Variants in SLC35F3 observed in about 807,000 individuals in gnomAD.
The protein encoded by SLC35F3 is putative thiamine transporter SLC35F3.
In SLC35F3, 25 loss-of-function variants were observed where a neutral mutation model predicts 49.9. That is an observed-to-expected ratio of 0.50 (90% CI 0.37 to 0.70). The LOEUF (loss-of-function observed/expected upper bound fraction) is 0.70, where lower values mean the gene tolerates loss of function less well. SLC35F3 is among the 30% of genes least tolerant of loss of function. SLC35F3 has a pLI of 0.00. For missense variants in SLC35F3, 525 were observed against 639.8 expected, an observed-to-expected ratio of 0.82 and a Z score of 1.94; for synonymous variants, 275 against 265.4, an observed-to-expected ratio of 1.04 and a Z score of -0.35.
intron 2 of SLC35F3, among the ~76,000 whole-genome samples, chr1:233,995,122 A>C (rs1345705107): frequency 6.6e-6 from 1 of 152,250 alleles, no homozygotes; most frequent in East Asian, 1.9e-4. Context: ...ATGTCCAATA[A>C]ATGTTAACCG....
At chr1:233,967,099 C>A (rs2102815098) in intron 2 of SLC35F3, among the ~76,000 whole-genome samples, 2 of 152,286 alleles carry the variant, frequency 1.3e-5, no homozygotes, top group Admixed American at 6.5e-5. Context: ...AAAATAATTT[C>A]TCAGTATAAT....
intron 2 of SLC35F3, among the ~76,000 whole-genome samples, chr1:234,049,031 C>G (rs1240117730): frequency 6.6e-6 from 1 of 152,192 alleles, no homozygotes; most frequent in Non-Finnish European, 1.5e-5. Context: ...CACCTTGAGT[C>G]TCAACTATAT....
At chr1:234,133,309 G>A (rs961398206) in intron 2 of SLC35F3, among the ~76,000 whole-genome samples, 1 of 152,108 alleles carries the variant, frequency 6.6e-6, no homozygotes, top group African/African-American at 2.4e-5. Context: ...GTTTTTAAGA[G>A]ACCCACAGAA....
intron 2 of SLC35F3, among the ~76,000 whole-genome samples, chr1:233,911,301 A>G (rs1661869897): frequency 6.6e-6 from 1 of 152,210 alleles, no homozygotes. Flanking sequence ...CAGGTCAGCA[A>G]TTCAAAAATG....
intron 2 of SLC35F3, among the ~76,000 whole-genome samples, chr1:234,100,568 C>T (rs1572052104): frequency 6.6e-6 from 1 of 152,152 alleles, no homozygotes; most frequent in Non-Finnish European, 1.5e-5. Flanking sequence ...GGAAATGTTT[C>T]TAAGTCTGTT....
intron 2 of SLC35F3, among the ~76,000 whole-genome samples, chr1:234,168,877 C>T (rs939114955): frequency 4.6e-5 from 7 of 152,180 alleles, no homozygotes; most frequent in African/African-American, 1.2e-4. Flanking sequence ...CACACTCCAT[C>T]CTCTCTTGGA....
chr1:234,205,987 A>G (rs1158263237), intron 2 of SLC35F3, among the ~76,000 whole-genome samples: 1 of 152,146 alleles, frequency 6.6e-6, no homozygotes, highest in Non-Finnish European at 1.5e-5. Flanking sequence ...TGCTGAGGGC[A>G]CGCTGTGGAT....
At chr1:233,924,254 G>T (rs1298396978) in intron 2 of SLC35F3, among the ~76,000 whole-genome samples, 4 of 152,160 alleles carry the variant, frequency 2.6e-5, no homozygotes, top group African/African-American at 4.8e-5. Context: ...GTAGAATTCG[G>T]CTGTGAATCC....
At chr1:234,240,455 A>G (rs1250274586) in intron 3 of SLC35F3, among the ~76,000 whole-genome samples, 1 of 151,770 alleles carries the variant, frequency 6.6e-6, no homozygotes. Flanking sequence ...AAATACAAAA[A>G]TTAGCTGGAC....
intron 2 of SLC35F3, among the ~76,000 whole-genome samples, chr1:234,161,164 GT>G (rs1336789739): frequency 1.3e-5 from 2 of 152,124 alleles, no homozygotes; most frequent in Non-Finnish European, 2.9e-5. Flanking sequence ...GTTACTTTTT[GT>G]GATTTACTCT....
chr1:234,152,342 G>A (rs558459317), intron 2 of SLC35F3, among the ~76,000 whole-genome samples: 5 of 151,980 alleles, frequency 3.3e-5, no homozygotes, highest in African/African-American at 1.2e-4. Context: ...TCATTAACCC[G>A]TCATCTACGT....
chr1:233,928,429 A>G (rs1662193269), intron 2 of SLC35F3, among the ~76,000 whole-genome samples: 1 of 152,202 alleles, frequency 6.6e-6, no homozygotes, highest in African/African-American at 2.4e-5. Flanking sequence ...GAGAGAATAT[A>G]GTAGAGTGAT....
intron 2 of SLC35F3, among the ~76,000 whole-genome samples, chr1:234,010,981 A>C (rs560237176): frequency 2.6e-5 from 4 of 152,318 alleles, no homozygotes; most frequent in Admixed American, 2.6e-4. Flanking sequence ...TGAGGTTTTA[A>C]GTGAATATGT....
At chr1:234,047,636 C>G (rs1292208943) in intron 2 of SLC35F3, among the ~76,000 whole-genome samples, 1 of 152,112 alleles carries the variant, frequency 6.6e-6, no homozygotes. Flanking sequence ...ACTTGTCAGC[C>G]ACTATAATCA....
chr1:233,920,091 AG>A (rs1662034927), intron 2 of SLC35F3, among the ~76,000 whole-genome samples: 1 of 152,202 alleles, frequency 6.6e-6, no homozygotes, highest in Admixed American at 6.5e-5. Context: ...ATTACACAGG[AG>A]TTCAATCAGA....
intron 2 of SLC35F3, among the ~76,000 whole-genome samples, chr1:233,950,805 C>G (rs1662595219): frequency 6.6e-6 from 1 of 152,026 alleles, no homozygotes; most frequent in South Asian, 2.1e-4. Flanking sequence ...AATTTATCTG[C>G]TTGTTTTCTG....
chr1:233,997,632 C>T, intron 2 of SLC35F3, among the ~76,000 whole-genome samples: 1 of 152,290 alleles, frequency 6.6e-6, no homozygotes, highest in Non-Finnish European at 1.5e-5. Flanking sequence ...GGGGGCACAC[C>T]ATTCCTTCTT....
intron 3 of SLC35F3, among the ~76,000 whole-genome samples, chr1:234,244,644 A>G (rs1033248452): frequency 4.6e-5 from 7 of 151,184 alleles, no homozygotes; most frequent in African/African-American, 1.7e-4. Flanking sequence ...GAAATTAGTC[A>G]GGTCTGAAAT....
Position 233,905,031 on chromosome 1 carries a change from C to T in SLC35F3, c.-47C>T, listed in dbSNP as rs764154759. ...CTGCAGGGAGCTCCGGCCCGCGGCC[C>T]CTCCGCCTCAAGTCTGGGAGCTGCC... On this transcript the variant is annotated 5_prime_UTR_variant, in exon 1 of 8. Transcript: ENST00000366618. 3 of 1,543,102 alleles carry T rather than the reference C, an allele frequency of 1.9e-6. No individual in the cohort carries two copies. Among genetic ancestry groups the T allele is most frequent in the East Asian group, 2.5e-5 (1 of 40,558 alleles).
Sources: gnomAD v4.1 joint callset for allele counts (sites outside exome capture counted in the v4.1 genomes callset) on GRCh38, gnomAD v4.1.1 for gene constraint, MANE v1.5 for transcripts, NCBI Gene and HGNC (gene_info 2026-07-23, HGNC 2026-07-21) for gene names.